AQR: variants seen among roughly 807,000 people sequenced by gnomAD.
AQR encodes RNA helicase aquarius.
A neutral mutation model predicts 180.5 loss-of-function variants in AQR; 61 were observed. The observed-to-expected ratio is 0.34, with a 90% CI of 0.28 to 0.42. The LOEUF (loss-of-function observed/expected upper bound fraction) is 0.42. Among genes scored for constraint, AQR ranks in the 10% least tolerant of loss-of-function variants. AQR has a pLI of 1.00. For missense variants in AQR, 1,281 were observed against 1,798.3 expected, an observed-to-expected ratio of 0.71 and a Z score of 5.20; for synonymous variants, 551 against 588.8, an observed-to-expected ratio of 0.94 and a Z score of 0.93.
At chr15:34,898,434 T>A (rs1893280196) in intron 20 of AQR, among the ~76,000 whole-genome samples, 1 of 152,170 alleles carries the variant, frequency 6.6e-6, no homozygotes, top group South Asian at 2.1e-4. Flanking sequence ...CTTATTTTGG[T>A]AAGAAATAGG....
rs1019802479 is a variant in AQR, at chr15:34,962,924, G to T, written c.132+1310C>A. ...TTAAATTTATAATGGCAAAGCTTAA[G>T]AGTCTTCATTACTTGTTGAATGGTA... On this transcript the variant is annotated intron_variant, in intron 2 of 34. Coordinates refer to ENST00000156471, the MANE Select transcript of AQR (RefSeq NM_014691.3). Among the ~76,000 whole-genome samples, 3 of 152,134 alleles carry T rather than the reference G, an allele frequency of 2.0e-5. No homozygotes were observed. The South Asian group carries it at 6.2e-4, about 32-fold the overall frequency.
chr15:34,890,366 A>G (rs2140471125), intron 23 of AQR, 42 bp from the exon 24 acceptor site: 1 of 1,506,880 alleles, frequency 6.6e-7, no homozygotes, highest in Non-Finnish European at 9.1e-7. Context: ...CTTTAAACGT[A>G]GCAAAAACTA....
intron 1 of AQR, among the ~76,000 whole-genome samples, chr15:34,968,274 AC>A (rs2050322372): frequency 6.9e-6 from 1 of 144,914 alleles, no homozygotes; most frequent in Admixed American, 6.8e-5. Flanking sequence ...TTTTTTTGAG[AC>A]GGAGTCTCGC....
chr15:34,885,446 C>T (rs1387077739), intron 25 of AQR, among the ~76,000 whole-genome samples: 1 of 152,130 alleles, frequency 6.6e-6, no homozygotes, highest in East Asian at 1.9e-4. Flanking sequence ...TTCCTGGATT[C>T]CACCTCTATT....
Position 34,918,328 on chromosome 15 carries a change from C to G in AQR, c.1272G>C (p.Met424Ile). 1 of 1,613,750 alleles carries G rather than the reference C, an allele frequency of 6.2e-7. No individual in the cohort carries two copies. The highest frequency in any genetic ancestry group is 8.5e-7 in the Non-Finnish European group (1 of 1,179,810). ...TAATTTTCTCAGTTGGATACAAAGG[C>G]ATCTGGTTCAACTGCTGAATCTGAG... ...RISQIQQLNQ[M>I]PLYPTEKIIW... The change falls in exon 15 of 35, where the codon ATG becomes ATC. Residue 424 changes from methionine (M) to isoleucine (I), a missense_variant. Met to Ile is a conservative substitution (Grantham distance 10). Around this residue, in one of 9 missense-constraint regions of AQR, gnomAD observed 404 missense variants for 490.9 expected, o/e 0.82. Transcript: ENST00000156471.
At chr15:34,875,625 G>A (rs1015760017) in intron 28 of AQR, among the ~76,000 whole-genome samples, 4 of 151,908 alleles carry the variant, frequency 2.6e-5, no homozygotes, top group African/African-American at 9.7e-5. Flanking sequence ...AAGAAATGAA[G>A]AAACAGCTCA....
intron 27 of AQR, among the ~76,000 whole-genome samples, chr15:34,878,910 C>A (rs907031610): frequency 6.6e-6 from 1 of 152,020 alleles, no homozygotes; most frequent in African/African-American, 2.4e-5. Flanking sequence ...TGCCTGTAAT[C>A]CCAGCTACTT....
intron 9 of AQR, among the ~76,000 whole-genome samples, chr15:34,937,717 C>A (rs535130564): frequency 6.6e-6 from 1 of 152,022 alleles, no homozygotes; most frequent in African/African-American, 2.4e-5. Flanking sequence ...AACCTCGTCT[C>A]TACTAAAAAT....
In AQR at chr15:34,890,340, A is replaced by T. The variant is rs1402088939; in HGVS notation, c.2572-16T>A. 1.9e-6 allele frequency: 3 copies of T among 1,604,170 alleles called. No homozygotes were observed. Among genetic ancestry groups the T allele is most frequent in the South Asian group, 2.2e-5 (2 of 88,954 alleles). On this transcript the variant is annotated splice_polypyrimidine_tract_variant and intron_variant, in intron 23 of 34. Coordinates refer to ENST00000156471, the MANE Select transcript of AQR (RefSeq NM_014691.3). ...GGTTTAGGGCCTAGACAATAAAGCA[A>T]GAAGGGTGACGGCACCTTTAAACGT...
Position 34,913,263 on chromosome 15 carries a change from A to G in AQR, c.1484+1775T>C, listed in dbSNP as rs183720301. ...ACCCCTTTCTCTTCTTATAAAATCT[A>G]CTTGAAGCATTAAAAAGTATAGATT... On this transcript the variant is annotated intron_variant, in intron 16 of 34. Coordinates refer to ENST00000156471, the MANE Select transcript of AQR (RefSeq NM_014691.3). 4.9e-4 allele frequency among the ~76,000 whole-genome samples: 75 copies of G among 152,206 alleles called. 2 individuals carry two copies. The highest frequency in any genetic ancestry group is 4.1e-3 in the East Asian group (21 of 5,180).
intron 15 of AQR, among the ~76,000 whole-genome samples, chr15:34,915,429 A>T (rs1280973079): frequency 6.6e-6 from 1 of 151,314 alleles, no homozygotes; most frequent in South Asian, 2.1e-4. Context: ...TGACCTTGTG[A>T]TCTGCCCACC....
At chr15:34,926,574 T>C (rs1387884992) in intron 13 of AQR, among the ~76,000 whole-genome samples, 6 of 152,342 alleles carry the variant, frequency 3.9e-5, no homozygotes, top group African/African-American at 4.8e-5. Context: ...AGAACGTCTA[T>C]CACATAGTAA....
At chr15:34,965,666 G>A (rs913185380) in intron 1 of AQR, among the ~76,000 whole-genome samples, 9 of 151,988 alleles carry the variant, frequency 5.9e-5, no homozygotes, top group Non-Finnish European at 1.2e-4. Context: ...GCAAGACTCC[G>A]TCTCTAAAAT....
chr15:34,894,674 A>G (rs927754275), intron 22 of AQR, among the ~76,000 whole-genome samples: 2 of 152,208 alleles, frequency 1.3e-5, no homozygotes, highest in East Asian at 3.9e-4. Context: ...ATGGTATCTT[A>G]AAGTATTTAG....
At chr15:34,884,849 T>A (rs1023918536) in intron 25 of AQR, 115 bp from the exon 26 acceptor site, 1 of 779,204 alleles carries the variant, frequency 1.3e-6, no homozygotes, top group Admixed American at 3.4e-5. Context: ...AAAAAAGAAA[T>A]TCAATCTTTG....
chr15:34,879,207 G>C (rs1426636035), intron 27 of AQR, among the ~76,000 whole-genome samples: 1 of 152,136 alleles, frequency 6.6e-6, no homozygotes, highest in Non-Finnish European at 1.5e-5. Flanking sequence ...GCAACTAACA[G>C]AAATCCTTGA....
chr15:34,920,424 G>A lies in AQR; in HGVS notation c.1129C>T (p.Leu377Phe). The A allele has an allele frequency of 6.2e-7, 1 of 1,612,466 alleles. No homozygotes were observed. Among genetic ancestry groups the A allele is most frequent in the Non-Finnish European group, 8.5e-7 (1 of 1,178,954 alleles). ...KFFGPLSSNT[L>F]HQVASYLCLL... ...CAGAGGTATGATGCCACCTGGTGGA[G>A]TGTGTTTGAACTGCAGAATAGAGAA... The change falls in exon 14 of 35, where the codon CTC becomes TTC. Residue 377 changes from leucine (L) to phenylalanine (F), a missense_variant. This residue lies in a region of AQR where 404 missense variants were observed against 490.9 expected (regional missense o/e 0.82). Transcript: ENST00000156471.
chr15:34,885,219 G>A (rs771948016), intron 25 of AQR, among the ~76,000 whole-genome samples: 1 of 152,088 alleles, frequency 6.6e-6, no homozygotes, highest in African/African-American at 2.4e-5. Context: ...TATAAAGAAC[G>A]TCTGGTTAAG....
chr15:34,951,176 C>T (rs1894225340), intron 4 of AQR, among the ~76,000 whole-genome samples: 1 of 152,156 alleles, frequency 6.6e-6, no homozygotes, highest in African/African-American at 2.4e-5. Flanking sequence ...CCATGGAAAC[C>T]CTTTTCTCAG....
Sources: gnomAD v4.1 joint callset for allele counts (sites outside exome capture counted in the v4.1 genomes callset) on GRCh38, gnomAD v4.1.1 for gene constraint, gnomAD v4.1.1 regional missense constraint, MANE v1.5 for transcripts, NCBI Gene and HGNC (gene_info 2026-07-23, HGNC 2026-07-21) for gene names.